RBMS3: variants seen among roughly 807,000 people sequenced by gnomAD.
RBMS3 encodes the protein RNA binding motif single stranded interacting protein 3.
RBMS3 carries 27 observed loss-of-function variants against 66.8 expected under a neutral mutation model. That is an observed-to-expected ratio of 0.40 (90% confidence interval 0.30 to 0.56). The LOEUF is 0.56. Among genes scored for constraint, RBMS3 ranks in the 20% least tolerant of loss-of-function variants. The pLI, the probability that RBMS3 is intolerant of heterozygous loss-of-function variation, is 0.40. For missense variants in RBMS3, 513 were observed against 549.5 expected (o/e 0.93, Z 0.66); for synonymous variants, 188 against 183.0 (o/e 1.03, Z -0.22).
intron 1 of RBMS3, among the ~76,000 whole-genome samples, chr3:29,384,177 A>G (rs912685685): frequency 9.2e-5 from 14 of 151,988 alleles, no homozygotes; most frequent in African/African-American, 3.1e-4. Flanking sequence ...TTAGCCAGGC[A>G]TGGTGAGATG....
intron 3 of RBMS3, among the ~76,000 whole-genome samples, chr3:29,529,677 T>C (rs1158682006): frequency 1.3e-5 from 2 of 152,198 alleles, no homozygotes; most frequent in South Asian, 2.1e-4. Flanking sequence ...ACATGAGCAC[T>C]ATAGATGTGA....
chr3:29,966,046 G>C (rs894391137), intron 12 of RBMS3, among the ~76,000 whole-genome samples: 3 of 152,020 alleles, frequency 2.0e-5, no homozygotes, highest in African/African-American at 4.8e-5. Flanking sequence ...GTAAGTATTT[G>C]GGTTTATTTT....
At chr3:29,866,077 T>TAAAAAA (rs35591949) in intron 6 of RBMS3, among the ~76,000 whole-genome samples, 12,897 of 104,982 alleles carry the variant, frequency 0.12, 1,347 homozygotes, top group African/African-American at 0.28. Flanking sequence ...CACCAAATAC[T>TAAAAAA]AAAAAAAAAA....
chr3:29,666,691 G>A (rs2050774283), intron 4 of RBMS3, among the ~76,000 whole-genome samples: 1 of 152,060 alleles, frequency 6.6e-6, no homozygotes, highest in African/African-American at 2.4e-5. Context: ...ATTGAAAGCA[G>A]TATCATTTGC....
At chr3:29,882,446 T>C (rs2059758646) in intron 7 of RBMS3, among the ~76,000 whole-genome samples, 1 of 152,156 alleles carries the variant, frequency 6.6e-6, no homozygotes. Flanking sequence ...AAAGAGGTCA[T>C]GCAGTTATCA....
chr3:29,717,124 G>T (rs115372729), intron 4 of RBMS3, among the ~76,000 whole-genome samples: 2,449 of 151,812 alleles, frequency 0.016, 28 homozygotes, highest in Non-Finnish European at 0.026. Context: ...TCCTTTACCC[G>T]CTCACAGCCT....
At chr3:29,669,569 G>A (rs1478836071) in intron 4 of RBMS3, among the ~76,000 whole-genome samples, 3 of 152,158 alleles carry the variant, frequency 2.0e-5, no homozygotes, top group Admixed American at 6.5e-5. Context: ...TCCGCAAAAT[G>A]AAGTCCGGAG....
intron 6 of RBMS3, among the ~76,000 whole-genome samples, chr3:29,825,898 A>C (rs2058199719): frequency 6.6e-6 from 1 of 152,234 alleles, no homozygotes. Flanking sequence ...AGGAATTCTG[A>C]GAATAAATAA....
intron 5 of RBMS3, among the ~76,000 whole-genome samples, chr3:29,758,488 G>GT (rs1450859904): frequency 1.3e-5 from 2 of 152,230 alleles, no homozygotes; most frequent in East Asian, 3.9e-4. Flanking sequence ...GTCATCCACA[G>GT]TTTCATTTCC....
intron 10 of RBMS3, among the ~76,000 whole-genome samples, chr3:29,918,581 A>T (rs1286924366): frequency 5.9e-5 from 9 of 152,126 alleles, no homozygotes; most frequent in African/African-American, 2.2e-4. Context: ...TTTAATGTTC[A>T]TAATCACTGA....
intron 4 of RBMS3, among the ~76,000 whole-genome samples, chr3:29,692,462 G>A (rs926810429): frequency 5.9e-5 from 9 of 152,132 alleles, no homozygotes; most frequent in Admixed American, 6.6e-5. Context: ...AGTTGAACTT[G>A]AATATGCTTG....
intron 4 of RBMS3, among the ~76,000 whole-genome samples, chr3:29,593,919 A>G (rs962125005): frequency 6.6e-6 from 1 of 152,258 alleles, no homozygotes; most frequent in African/African-American, 2.4e-5. Context: ...AAAACCAGTT[A>G]CAGTTACAAA....
intron 9 of RBMS3, among the ~76,000 whole-genome samples, chr3:29,899,320 A>G (rs1475895383): frequency 6.6e-6 from 1 of 151,724 alleles, no homozygotes; most frequent in East Asian, 1.9e-4. Flanking sequence ...GATGACAGAA[A>G]AAGAGAAAGT....
intron 1 of RBMS3, among the ~76,000 whole-genome samples, chr3:29,392,362 A>T (rs2039340001): frequency 6.6e-6 from 1 of 152,226 alleles, no homozygotes; most frequent in Non-Finnish European, 1.5e-5. Context: ...AAATAATCTT[A>T]TTTTTTGGTT....
intron 4 of RBMS3, among the ~76,000 whole-genome samples, chr3:29,687,811 G>A (rs2051799186): frequency 6.6e-6 from 1 of 152,076 alleles, no homozygotes; most frequent in African/African-American, 2.4e-5. Flanking sequence ...TAAGTTACGA[G>A]GGATAATAAA....
In RBMS3 at chr3:29,633,970, A is replaced by G. The variant is rs117260923; in HGVS notation, c.399+46765A>G. On this transcript the variant is annotated intron_variant, in intron 4 of 14. Coordinates refer to ENST00000383767, the MANE Select transcript of RBMS3 (RefSeq NM_001003793.3). ...AAATAGAGTCAACTAACCTGCCAAT[A>G]TCTTATAAAGAAATTTTATAAAGAT... Among the ~76,000 whole-genome samples the G allele has an allele frequency of 7.1e-3, 1,076 of 152,068 alleles. 29 individuals carry two copies. Among genetic ancestry groups the G allele is most frequent in the Admixed American group, 0.057 (871 of 15,238 alleles).
At chr3:29,456,288 A>G (rs1359926344) in intron 2 of RBMS3, among the ~76,000 whole-genome samples, 1 of 152,190 alleles carries the variant, frequency 6.6e-6, no homozygotes, top group African/African-American at 2.4e-5. Flanking sequence ...AAGAGTGAGA[A>G]AATTTTAAAA....
At chr3:29,866,961 T>C (rs188723723) in intron 6 of RBMS3, among the ~76,000 whole-genome samples, 315 of 152,244 alleles carry the variant, frequency 2.1e-3, no homozygotes, top group Non-Finnish European at 3.9e-3. Context: ...AGGGCAGAAA[T>C]GACATTTTGT....
intron 10 of RBMS3, among the ~76,000 whole-genome samples, chr3:29,910,319 G>C (rs767089338): frequency 4.6e-5 from 7 of 152,034 alleles, no homozygotes; most frequent in Non-Finnish European, 8.8e-5. Flanking sequence ...GAAGGATTTA[G>C]GATGAGAGTA....
Sources: allele counts gnomAD v4.1 joint callset (sites outside exome capture counted in the v4.1 genomes callset), GRCh38; gene constraint gnomAD v4.1.1; transcripts MANE v1.5; gene names NCBI Gene and HGNC (gene_info 2026-07-23, HGNC 2026-07-21).